ADCY1: variants seen among roughly 807,000 people sequenced by gnomAD.
ADCY1 encodes adenylate cyclase 1, also known as adenylate cyclase type 1.
Under a neutral mutation model 105.4 loss-of-function variants are expected in ADCY1, and 28 were observed. That is an observed-to-expected ratio of 0.27 (90% CI 0.20 to 0.36). ADCY1 has a LOEUF of 0.36. Ranked by LOEUF, ADCY1 falls within the 10% of genes least tolerant of loss-of-function variation. The pLI is 1.00. For synonymous variants in ADCY1, 655 were observed against 623.8 expected (o/e 1.05, Z -0.75); for missense variants, 977 against 1,434.2 (o/e 0.68, Z 5.15).
At chr7:45,664,197 G>T (rs563804952) in intron 8 of ADCY1, 1 of 1,177,902 alleles carries the variant, frequency 8.5e-7, no homozygotes, top group Non-Finnish European at 1.2e-6. Flanking sequence ...GAAGTGCACC[G>T]TTGGGCCTAG....
Position 45,686,170 on chromosome 7 carries a change from C to T in ADCY1, c.2282C>T (p.Thr761Met), listed in dbSNP as rs375013297. 2.3e-5 allele frequency: 37 copies of T among 1,614,042 alleles called. No homozygotes were observed. The highest frequency in any genetic ancestry group is 4.5e-5 in the East Asian group (2 of 44,884). Reference sequence around the variant, plus strand: ...ATGATCCTGCTCTCCGGGCTCACCACGTCCTACATCCTCGTTCTGGAGCTC... The same window carrying T: ...ATGATCCTGCTCTCCGGGCTCACCATGTCCTACATCCTCGTTCTGGAGCTC... ...PKMILLSGLT[T>M]SYILVLELSG... is the part of the protein sequence containing the mutation. The change falls in exon 13 of 20, where the codon ACG becomes ATG. Residue 761 changes from threonine (T) to methionine (M), a missense_variant. Physicochemically the swap from Thr to Met is moderately conservative, Grantham distance 81. Transcript: ENST00000297323. This position sits in a 1 kb window ranked among gnomAD's most constrained non-coding sequence, Gnocchi z 4.3.
rs1785315045 is a variant in ADCY1 at position 45,713,940 on chromosome 7, C to T, written c.3305C>T (p.Pro1102Leu). 2.6e-6 allele frequency: 2 copies of T among 780,378 alleles called. No homozygotes were observed. The highest frequency in any genetic ancestry group is 4.8e-6 in the Non-Finnish European group (2 of 418,140). 48.3% of individuals were successfully genotyped at this position (780,378 alleles called of 1,614,324 possible). ...GGCGTCTCAGTCAGGGCTGGGCTCC[C>T]TCCACACTCCCCAGGCCAGTACCTG... ...MPGVSVRAGLPPHSPGQYLPS... is the reference protein window; with the variant it reads ...MPGVSVRAGLLPHSPGQYLPS... The change falls in exon 20 of 20, where the codon CCT becomes CTT. Residue 1102 changes from proline (P) to leucine (L), a missense_variant. Pro to Leu is a moderately conservative substitution (Grantham distance 98, BLOSUM62 -3). Around this residue, in one of 7 missense-constraint regions of ADCY1, gnomAD observed 78 missense variants for 60.0 expected, o/e 1.30. Coordinates refer to ENST00000297323, the MANE Select transcript of ADCY1 (RefSeq NM_021116.4).
intron 6 of ADCY1, 27 bp downstream of exon 6, chr7:45,657,912 G>GC: frequency 9.9e-6 from 7 of 708,638 alleles, no homozygotes; most frequent in Non-Finnish European, 1.4e-5. Flanking sequence ...GTGGGGAGGG[G>GC]AGGGAGGTGG....
In ADCY1 at chr7:45,695,665, A is replaced by G. The variant is rs114580661; in HGVS notation, c.2455-7711A>G. Among the ~76,000 whole-genome samples the G allele has an allele frequency of 1.4e-3, 210 of 152,354 alleles. 4 individuals carry two copies. The highest frequency in any genetic ancestry group is 4.9e-3 in the African/African-American group (205 of 41,590). On this transcript the variant is annotated intron_variant, in intron 14 of 19. Coordinates refer to ENST00000297323, the MANE Select transcript of ADCY1 (RefSeq NM_021116.4). ...ATCTGGGTTAGAAGGACGCAGCATA[A>G]CTTCAACATAGAGCAAAAGCTCCAA...
chr7:45,673,766 C>T (rs1463498944), intron 8 of ADCY1, among the ~76,000 whole-genome samples: 1 of 151,242 alleles, frequency 6.6e-6, no homozygotes, highest in Non-Finnish European at 1.5e-5. Flanking sequence ...TTATTGAATT[C>T]TTCTCTTTAT....
intron 3 of ADCY1, among the ~76,000 whole-genome samples, chr7:45,617,502 TC>T (rs1308911385): frequency 3.3e-5 from 5 of 152,166 alleles, no homozygotes; most frequent in African/African-American, 1.2e-4. Context: ...GACCCCACTT[TC>T]CCCTTGGCAG....
intron 2 of ADCY1, among the ~76,000 whole-genome samples, chr7:45,599,359 C>G (rs1793160059): frequency 6.6e-6 from 1 of 151,734 alleles, no homozygotes; most frequent in Non-Finnish European, 1.5e-5. Context: ...GCACAGCCCA[C>G]TGGGTTCTTC....
chr7:45,703,822 A>C lies in ADCY1; in HGVS notation c.2718+76A>C. ...CTGTTGCGTGGGCAGAGCGTGTCTC[A>C]CAATATGTCACATTCTTCGTAGCTG... is the stretch of plus-strand genomic sequence containing the variant. On this transcript the variant is annotated intron_variant, in intron 16 of 19. Coordinates refer to ENST00000297323, the MANE Select transcript of ADCY1 (RefSeq NM_021116.4). This position sits in a 1 kb window ranked among gnomAD's most constrained non-coding sequence, Gnocchi z 5.9. The C allele has an allele frequency of 4.0e-6, 6 of 1,486,434 alleles. No individual in the cohort carries two copies. Among genetic ancestry groups the C allele is most frequent in the Non-Finnish European group, 4.5e-6 (5 of 1,108,452 alleles). 92.1% of individuals were successfully genotyped at this position (1,486,434 alleles called of 1,614,324 possible).
chr7:45,654,359 G>A (rs1794887191), intron 5 of ADCY1, among the ~76,000 whole-genome samples: 1 of 152,214 alleles, frequency 6.6e-6, no homozygotes, highest in Non-Finnish European at 1.5e-5. Context: ...CAGATGCCTT[G>A]CTGGCAGTGT....
intron 4 of ADCY1, among the ~76,000 whole-genome samples, chr7:45,639,172 A>T (rs144137128): frequency 1.9e-4 from 29 of 152,304 alleles, no homozygotes; most frequent in African/African-American, 6.0e-4. Context: ...CTTAGTCTCG[A>T]TAGTAGCTGA....
At chr7:45,610,859 TGGAGATGATG>T (rs1793549586) in intron 3 of ADCY1, among the ~76,000 whole-genome samples, 1 of 4,954 alleles carries the variant, frequency 2.0e-4, no homozygotes, top group East Asian at 5.6e-3. Context: ...ATTGGAGTTG[TGGAGATGATG>T]GTGGAGGTGG....
At chr7:45,598,101 A>C (rs1793125584) in intron 2 of ADCY1, among the ~76,000 whole-genome samples, 1 of 152,214 alleles carries the variant, frequency 6.6e-6, no homozygotes, top group African/African-American at 2.4e-5. Flanking sequence ...CTTTAAAATT[A>C]ATTTCAGCCC....
intron 8 of ADCY1, among the ~76,000 whole-genome samples, chr7:45,668,347 G>C (rs142882352): frequency 0.037 from 5,585 of 152,284 alleles, 121 homozygotes; most frequent in East Asian, 0.065. Context: ...AAGTGCTGTT[G>C]AATTTTGTCA....
chr7:45,591,170 C>T lies in ADCY1; in HGVS notation c.640-1589C>T, dbSNP rs1285256744. ...GTCATACACCTCAGGTTTGAAGGTG[C>T]TCCAAATCTGTCCTCTCCCCTCCCT... On this transcript the variant is annotated intron_variant, in intron 1 of 19. Coordinates refer to ENST00000297323, the MANE Select transcript of ADCY1 (RefSeq NM_021116.4). This position sits in a 1 kb window ranked among gnomAD's most constrained non-coding sequence, Gnocchi z 4.1. 6.6e-6 allele frequency among the ~76,000 whole-genome samples: 1 copy of T among 152,166 alleles called. No individual in the cohort carries two copies. The highest frequency in any genetic ancestry group is 1.5e-5 in the Non-Finnish European group (1 of 68,028).
intron 4 of ADCY1, among the ~76,000 whole-genome samples, chr7:45,625,580 G>C (rs1794032792): frequency 6.6e-6 from 1 of 152,158 alleles, no homozygotes; most frequent in African/African-American, 2.4e-5. Flanking sequence ...TGTGTGTTAT[G>C]TGTGTAGATG....
At chr7:45,608,602 G>A (rs542429097) in intron 2 of ADCY1, among the ~76,000 whole-genome samples, 1 of 152,346 alleles carries the variant, frequency 6.6e-6, no homozygotes, top group Non-Finnish European at 1.5e-5. Flanking sequence ...GGCCGTGTGC[G>A]GGAAGTCAGG....
chr7:45,633,473 G>A (rs901744530), intron 4 of ADCY1, among the ~76,000 whole-genome samples: 2 of 152,192 alleles, frequency 1.3e-5, no homozygotes, highest in African/African-American at 2.4e-5. Context: ...GATTATACAT[G>A]TATTTAGGTT....
At chr7:45,607,564 C>T (rs1793412460) in intron 2 of ADCY1, among the ~76,000 whole-genome samples, 1 of 152,118 alleles carries the variant, frequency 6.6e-6, no homozygotes, top group Non-Finnish European at 1.5e-5. Context: ...AAGCATAGTA[C>T]CCAGTAGCTA....
At chr7:45,651,211 A>C (rs1205169112) in intron 5 of ADCY1, among the ~76,000 whole-genome samples, 1 of 152,086 alleles carries the variant, frequency 6.6e-6, no homozygotes, top group Non-Finnish European at 1.5e-5. Context: ...AAGCCACCGA[A>C]GACTGAGCAC....
Sources: gnomAD v4.1 joint callset for allele counts (sites outside exome capture counted in the v4.1 genomes callset) on GRCh38, gnomAD v4.1.1 for gene constraint, gnomAD v4.1.1 regional missense constraint, Gnocchi (gnomAD v3.1) non-coding constraint, MANE v1.5 for transcripts, NCBI Gene and HGNC (gene_info 2026-07-23, HGNC 2026-07-21) for gene names.